Variants in NETO1 observed in about 807,000 individuals in gnomAD.
The protein encoded by NETO1 is neuropilin and tolloid like 1.
In NETO1, 26 loss-of-function variants were observed where a neutral mutation model predicts 61.3. The ratio of observed to expected loss-of-function variants is 0.42; its 90% CI spans 0.31 to 0.59. NETO1 has a LOEUF of 0.59. Ranked by LOEUF, NETO1 falls within the 20% of genes least tolerant of loss-of-function variation. The pLI, the probability that NETO1 is intolerant of heterozygous loss-of-function variation, is 0.12. For synonymous variants in NETO1, 225 were observed against 225.8 expected (o/e 1.00, Z 0.03); for missense variants, 531 against 662.8 (o/e 0.80, Z 2.18).
chr18:72,867,765 A>AGCGACGGAGCGG lies in NETO1; in HGVS notation c.-486_-475dup. On this transcript the variant is annotated 5_prime_UTR_variant, in exon 1 of 11. Transcript: ENST00000327305. Reference sequence around the variant, plus strand: ...GTGGGGGCCAGTCCAGACCGACGGCAGCGACGGAGCGGGCGGCGGCGGCGG... The same window carrying AGCGACGGAGCGG: ...GTGGGGGCCAGTCCAGACCGACGGCAGCGACGGAGCGGGCGACGGAGCGGGCGGCGGCGGCGG... 1 of 156,266 alleles carries AGCGACGGAGCGG rather than the reference A, an allele frequency of 6.4e-6. No individual in the cohort carries two copies. Among genetic ancestry groups the AGCGACGGAGCGG allele is most frequent in the Non-Finnish European group, 1.4e-5 (1 of 73,406 alleles). The allele number at this position is 156,266 out of a possible 1,614,324, so 9.7% of individuals were successfully genotyped here.
intron 4 of NETO1, chr18:72,834,268 C>T: frequency 1.3e-6 from 1 of 788,638 alleles, no homozygotes; most frequent in Non-Finnish European, 1.5e-6. Context: ...ATAATATTGA[C>T]TATCCCTACA....
At chr18:72,854,927 T>A (rs1486850983) in intron 4 of NETO1, among the ~76,000 whole-genome samples, 3 of 152,176 alleles carry the variant, frequency 2.0e-5, no homozygotes, top group African/African-American at 7.2e-5. Flanking sequence ...CTATCCCTTA[T>A]CTGAGGTAAC....
At chr18:72,798,297 G>T (rs1301530987) in intron 4 of NETO1, among the ~76,000 whole-genome samples, 3 of 152,186 alleles carry the variant, frequency 2.0e-5, no homozygotes, top group Non-Finnish European at 4.4e-5. Context: ...GAGGGATCTA[G>T]GGTGCACGCT....
intron 4 of NETO1, among the ~76,000 whole-genome samples, chr18:72,840,470 C>T (rs1417661798): frequency 6.6e-6 from 1 of 152,196 alleles, no homozygotes; most frequent in Admixed American, 6.5e-5. Flanking sequence ...TCAAGTATCT[C>T]ACATTTCAAG....
rs754536820 is a variant in NETO1, at chr18:72,864,802, C to G, written c.220+6G>C. The G allele has an allele frequency of 3.1e-6, 5 of 1,613,676 alleles. No individual in the cohort carries two copies. Among genetic ancestry groups the G allele is most frequent in the Non-Finnish European group, 4.2e-6 (5 of 1,179,882 alleles). ...CTTTCTTAACTCTGGCACTGTCTCC[C>G]CTTACCTTCTATGATGTAGATGCAT... is the stretch of plus-strand genomic sequence containing the variant. On this transcript the variant is annotated splice_donor_region_variant and intron_variant, in intron 3 of 10. Coordinates refer to ENST00000327305, the MANE Select transcript of NETO1 (RefSeq NM_138966.5).
At chr18:72,816,462 C>A (rs1020453945) in intron 4 of NETO1, among the ~76,000 whole-genome samples, 1 of 152,154 alleles carries the variant, frequency 6.6e-6, no homozygotes, top group African/African-American at 2.4e-5. Context: ...CATTCCACCT[C>A]CTACAGTCAG....
chr18:72,809,743 A>T lies in NETO1; in HGVS notation c.470-15339T>A, dbSNP rs1430161825. 3.3e-5 allele frequency among the ~76,000 whole-genome samples: 5 copies of T among 152,210 alleles called. No homozygotes were observed. In the East Asian group the frequency reaches 9.6e-4, roughly 29 times the overall value. ...ACTTATTTTTATTAGATAGCATTTAATGTTGAGATGAAAGAGAAGTTAACT... is the reference window on the plus strand; with the variant it reads ...ACTTATTTTTATTAGATAGCATTTATTGTTGAGATGAAAGAGAAGTTAACT... On this transcript the variant is annotated intron_variant, in intron 4 of 10. Coordinates refer to ENST00000327305, the MANE Select transcript of NETO1 (RefSeq NM_138966.5).
At chr18:72,783,584 G>A in intron 7 of NETO1, 94 bp downstream of exon 7, 1 of 1,003,286 alleles carries the variant, frequency 1.0e-6, no homozygotes, top group Non-Finnish European at 1.5e-6. Context: ...AGCCTGCTGT[G>A]CTCACTGTGT....
chr18:72,827,138 C>T (rs2073403473), intron 4 of NETO1, among the ~76,000 whole-genome samples: 2 of 150,216 alleles, frequency 1.3e-5, no homozygotes, highest in African/African-American at 2.5e-5. Flanking sequence ...TAATATCAAC[C>T]TTCTAATATT....
At chr18:72,851,803 C>T (rs191999214) in intron 4 of NETO1, among the ~76,000 whole-genome samples, 99 of 152,146 alleles carry the variant, frequency 6.5e-4, no homozygotes, top group African/African-American at 2.3e-3. Flanking sequence ...TTAATATAAC[C>T]GTACTAAAAT....
chr18:72,765,012 T>TG (rs1449632839), intron 7 of NETO1, among the ~76,000 whole-genome samples: 1 of 152,272 alleles, frequency 6.6e-6, no homozygotes, highest in East Asian at 1.9e-4. Context: ...ACAGAAACCA[T>TG]GGGGACCTTG....
rs1197740843 is a variant in NETO1 at position 72,772,823 on chromosome 18, CTCTATATATATATATATATATATATATA to C, written c.868+10827_868+10854del. On this transcript the variant is annotated intron_variant, in intron 7 of 10. Coordinates refer to ENST00000327305, the MANE Select transcript of NETO1 (RefSeq NM_138966.5). ...TCTCTCTCTCTCTCTCTCTCTCTCTCTCTATATATATATATATATATATATATATATATATATATATATATATATCAGT... is the reference window on the plus strand; with the variant it reads ...TCTCTCTCTCTCTCTCTCTCTCTCTCTATATATATATATATATATATCAGT... 2.3e-3 allele frequency among the ~76,000 whole-genome samples: 89 copies of C among 38,848 alleles called. 1 individual carries two copies. Among genetic ancestry groups the C allele is most frequent in the African/African-American group, 7.9e-3 (67 of 8,468 alleles). The allele number at this position is 38,848 out of a possible 152,430, so 25.5% of individuals were successfully genotyped here.
intron 4 of NETO1, among the ~76,000 whole-genome samples, chr18:72,841,843 G>T (rs7226897): frequency 0.96 from 145,441 of 151,826 alleles, 69,760 homozygotes; most frequent in Non-Finnish European, 0.99. Context: ...TCCTTTATCT[G>T]CTGTGTTTGT....
At chr18:72,771,695 A>T (rs1400218035) in intron 7 of NETO1, among the ~76,000 whole-genome samples, 1 of 152,136 alleles carries the variant, frequency 6.6e-6, no homozygotes, top group East Asian at 1.9e-4. Flanking sequence ...CTCCTGAACT[A>T]CCGAAAGTAG....
chr18:72,813,105 C>T (rs1022284659), intron 4 of NETO1, among the ~76,000 whole-genome samples: 2 of 152,144 alleles, frequency 1.3e-5, no homozygotes, highest in Admixed American at 1.3e-4. Context: ...CTGTCCAGCT[C>T]CTTCTCTACT....
In NETO1 at chr18:72,862,451, A is replaced by G. The variant is rs149142260; in HGVS notation, c.220+2357T>C. On this transcript the variant is annotated intron_variant, in intron 3 of 10. Coordinates refer to ENST00000327305, the MANE Select transcript of NETO1 (RefSeq NM_138966.5). The stretch of plus-strand genomic sequence containing the variant: ...CTTTTTGTGGAGCATCTCCATAAAC[A>G]CAAACTAAACACATTATTTTTCCTT... Among the ~76,000 whole-genome samples the G allele has an allele frequency of 5.7e-3, 872 of 152,312 alleles. 10 individuals carry two copies. The highest frequency in any genetic ancestry group is 0.019 in the African/African-American group (800 of 41,564).
intron 4 of NETO1, among the ~76,000 whole-genome samples, chr18:72,846,340 T>C (rs1347920930): frequency 1.3e-5 from 2 of 151,198 alleles, no homozygotes; most frequent in South Asian, 2.1e-4. Flanking sequence ...CCGTCTCTAC[T>C]AAAAAAATTA....
intron 8 of NETO1, among the ~76,000 whole-genome samples, chr18:72,750,895 AC>A (rs2070585220): frequency 1.3e-5 from 2 of 150,662 alleles, no homozygotes; most frequent in Non-Finnish European, 3.0e-5. Context: ...ACACACACAC[AC>A]ACACACACAC....
At chr18:72,863,629 G>A (rs2074646952) in intron 3 of NETO1, among the ~76,000 whole-genome samples, 1 of 152,078 alleles carries the variant, frequency 6.6e-6, no homozygotes, top group Non-Finnish European at 1.5e-5. Flanking sequence ...TAGTAAGGGT[G>A]GGGGAAGATC....
Sources: gnomAD v4.1 joint callset for allele counts (sites outside exome capture counted in the v4.1 genomes callset) on GRCh38, gnomAD v4.1.1 for gene constraint, MANE v1.5 for transcripts, NCBI Gene and HGNC (gene_info 2026-07-23, HGNC 2026-07-21) for gene names.